OLA1: variants seen among roughly 807,000 people sequenced by gnomAD.
The protein encoded by OLA1 is Obg like ATPase 1.
A neutral mutation model predicts 48.4 loss-of-function variants in OLA1; 14 were observed. The observed-to-expected ratio is 0.29, with a 90% CI of 0.19 to 0.45. The LOEUF (loss-of-function observed/expected upper bound fraction) is 0.45. OLA1 is among the 20% of genes least tolerant of loss of function. The pLI, the probability that OLA1 is intolerant of heterozygous loss-of-function variation, is 1.00. For missense variants in OLA1, 325 were observed against 467.1 expected (o/e 0.70, Z 2.80); for synonymous variants, 127 against 150.4 (o/e 0.84, Z 1.14).
At chr2:174,101,371 G>A (rs905793020) in intron 7 of OLA1, among the ~76,000 whole-genome samples, 2 of 152,048 alleles carry the variant, frequency 1.3e-5, no homozygotes, top group African/African-American at 4.8e-5. Flanking sequence ...TCTTTATATT[G>A]TTCATTTGCA....
intron 5 of OLA1, among the ~76,000 whole-genome samples, chr2:174,137,918 T>C (rs1462182125): frequency 6.6e-6 from 1 of 152,200 alleles, no homozygotes; most frequent in African/African-American, 2.4e-5. Context: ...TCCCAGCTAC[T>C]TGGGAGGCTG....
At chr2:174,114,234 C>T (rs556152811) in intron 7 of OLA1, among the ~76,000 whole-genome samples, 7 of 143,816 alleles carry the variant, frequency 4.9e-5, no homozygotes, top group South Asian at 2.2e-4. Context: ...CCCAGCTACT[C>T]GGAAGGCTGA....
intron 7 of OLA1, among the ~76,000 whole-genome samples, chr2:174,116,102 TTAC>T (rs1685774988): frequency 6.6e-6 from 1 of 152,218 alleles, no homozygotes; most frequent in Admixed American, 6.5e-5. Flanking sequence ...ACAGTTTTTT[TTAC>T]CAAGTTTTGC....
chr2:174,081,473 ATTGT>A (rs1209947696), intron 8 of OLA1, among the ~76,000 whole-genome samples: 25 of 152,116 alleles, frequency 1.6e-4, no homozygotes, highest in Admixed American at 1.6e-3. Context: ...ATTATTTTGA[ATTGT>A]TTGCTATTTA....
chr2:174,144,839 T>C (rs2105382909), intron 4 of OLA1, among the ~76,000 whole-genome samples: 1 of 148,238 alleles, frequency 6.7e-6, no homozygotes, highest in East Asian at 2.0e-4. Context: ...TCTCAGCTAC[T>C]TGGAGATCTG....
At chr2:174,110,062 T>C (rs1185874324) in intron 7 of OLA1, among the ~76,000 whole-genome samples, 1 of 151,950 alleles carries the variant, frequency 6.6e-6, no homozygotes, top group Non-Finnish European at 1.5e-5. Context: ...TGGTATTCAG[T>C]TTTCTATCCC....
Position 174,123,215 on chromosome 2 carries a change from A to C in OLA1, c.693T>G (p.Leu231=). ...TCTTTCTAATGTAGTCTTTTTCAGA[A>C]AGATTAACCAAGTAGACCATTGGTT... ...TSKPMVYLVN[L]SEKDYIRKKN... is the part of the protein sequence containing the mutation. The change falls in exon 7 of 11, where the codon CTT becomes CTG. Residue 231 remains leucine, a synonymous_variant. Coordinates refer to ENST00000284719, the MANE Select transcript of OLA1 (RefSeq NM_013341.5). The C allele has an allele frequency of 6.3e-7, 1 of 1,575,050 alleles. No homozygotes were observed. Among genetic ancestry groups the C allele is most frequent in the South Asian group, 1.1e-5 (1 of 88,092 alleles).
At chr2:174,113,803 C>T (rs1201188522) in intron 7 of OLA1, among the ~76,000 whole-genome samples, 1 of 152,250 alleles carries the variant, frequency 6.6e-6, no homozygotes, top group East Asian at 1.9e-4. Context: ...GTGGAACAGT[C>T]GCATTCAGGT....
chr2:174,247,999 C>A, intron 1 of OLA1: 1 of 489,176 alleles, frequency 2.0e-6, no homozygotes, highest in Non-Finnish European at 3.6e-6. Flanking sequence ...TGGGGCCCTG[C>A]CCTTGCAGTA....
At chr2:174,108,652 C>T (rs887752037) in intron 7 of OLA1, among the ~76,000 whole-genome samples, 18 of 152,222 alleles carry the variant, frequency 1.2e-4, no homozygotes, top group African/African-American at 4.3e-4. Flanking sequence ...ATGAATTTCT[C>T]CAGTTACTTT....
chr2:174,108,274 C>A (rs1401892632), intron 7 of OLA1, among the ~76,000 whole-genome samples: 4 of 152,014 alleles, frequency 2.6e-5, no homozygotes, highest in African/African-American at 4.8e-5. Context: ...TTTTCAAAAT[C>A]GTTTGCTAGC....
At chr2:174,091,339 T>C (rs1159376431) in intron 7 of OLA1, among the ~76,000 whole-genome samples, 1 of 152,262 alleles carries the variant, frequency 6.6e-6, no homozygotes, top group Non-Finnish European at 1.5e-5. Flanking sequence ...TTTTCCACTC[T>C]TGCATTTTAA....
intron 5 of OLA1, among the ~76,000 whole-genome samples, chr2:174,135,685 A>G (rs1166201694): frequency 6.6e-6 from 1 of 152,236 alleles, no homozygotes; most frequent in African/African-American, 2.4e-5. Context: ...AAAAATTAGT[A>G]TCACGTTCTT....
chr2:174,211,698 T>G (rs1382211754), intron 4 of OLA1, among the ~76,000 whole-genome samples: 1 of 152,188 alleles, frequency 6.6e-6, no homozygotes, highest in Non-Finnish European at 1.5e-5. Context: ...AATAGTATAA[T>G]GTATCTTTTT....
chr2:174,219,423 C>CTTTTTTTTTTTT (rs372577919), intron 4 of OLA1, among the ~76,000 whole-genome samples: 4 of 94,894 alleles, frequency 4.2e-5, no homozygotes, highest in East Asian at 3.6e-4. Context: ...TTTTATTTCC[C>CTTTTTTTTTTTT]TTTTTTTTTT....
intron 4 of OLA1, among the ~76,000 whole-genome samples, chr2:174,148,784 C>T (rs1480245232): frequency 6.6e-6 from 1 of 152,176 alleles, no homozygotes; most frequent in Non-Finnish European, 1.5e-5. Flanking sequence ...GACAACATCA[C>T]CCCTTCTACT....
At chr2:174,082,955 T>C (rs1684890379) in intron 7 of OLA1, among the ~76,000 whole-genome samples, 1 of 152,084 alleles carries the variant, frequency 6.6e-6, no homozygotes, top group African/African-American at 2.4e-5. Flanking sequence ...CTCAGTTTCC[T>C]CACTTGTAAA....
intron 7 of OLA1, among the ~76,000 whole-genome samples, chr2:174,097,134 C>T (rs934176948): frequency 1.3e-5 from 2 of 151,880 alleles, no homozygotes; most frequent in Non-Finnish European, 2.9e-5. Context: ...CCAGCCTGGG[C>T]GAAAGAGCAA....
chr2:174,216,063 AG>A (rs2105445081), intron 4 of OLA1, among the ~76,000 whole-genome samples: 1 of 152,266 alleles, frequency 6.6e-6, no homozygotes, highest in African/African-American at 2.4e-5. Flanking sequence ...TGGGAGGCCA[AG>A]GCAGGAGGAC....
Sources: gnomAD v4.1 joint callset for allele counts (sites outside exome capture counted in the v4.1 genomes callset) on GRCh38, gnomAD v4.1.1 for gene constraint, MANE v1.5 for transcripts, NCBI Gene and HGNC (gene_info 2026-07-23, HGNC 2026-07-21) for gene names.